The following VEGFC variants were observed in gnomAD, a reference collection of about 807,000 sequenced individuals.
The protein encoded by VEGFC is FLT4 ligand DHM.
Under a neutral mutation model 46.1 loss-of-function variants are expected in VEGFC, and 12 were observed. The ratio of observed to expected loss-of-function variants is 0.26; its 90% CI spans 0.17 to 0.42. The LOEUF is 0.42. Among genes scored for constraint, VEGFC ranks in the 10% least tolerant of loss-of-function variants. VEGFC has a pLI of 1.00. For synonymous variants in VEGFC, 232 were observed against 195.5 expected (o/e 1.19, Z -1.56); for missense variants, 488 against 529.4 (o/e 0.92, Z 0.77).
At chr4:176,789,552 T>C (rs1010459141) in intron 1 of VEGFC, among the ~76,000 whole-genome samples, 4 of 152,288 alleles carry the variant, frequency 2.6e-5, no homozygotes, top group African/African-American at 9.6e-5. Flanking sequence ...ATAAGAAAAA[T>C]TGTAAATAGA....
chr4:176,715,727 G>A (rs1055257762), intron 3 of VEGFC, among the ~76,000 whole-genome samples: 1 of 148,866 alleles, frequency 6.7e-6, no homozygotes, highest in South Asian at 2.1e-4. Context: ...ATTTCCGTAA[G>A]CTTTTTTTCC....
At chr4:176,684,687 C>G (rs1185860295) in intron 6 of VEGFC, among the ~76,000 whole-genome samples, 1 of 152,144 alleles carries the variant, frequency 6.6e-6, no homozygotes, top group Non-Finnish European at 1.5e-5. Flanking sequence ...GACAAATTAT[C>G]AATTGGTCAG....
intron 3 of VEGFC, among the ~76,000 whole-genome samples, chr4:176,725,697 T>C (rs576363999): frequency 2.0e-5 from 3 of 152,242 alleles, no homozygotes; most frequent in Admixed American, 6.5e-5. Flanking sequence ...ATATAAATCA[T>C]TAACGGCATT....
intron 1 of VEGFC, among the ~76,000 whole-genome samples, chr4:176,764,293 G>A (rs1047806281): frequency 1.1e-4 from 17 of 152,134 alleles, no homozygotes; most frequent in African/African-American, 3.9e-4. Context: ...AAACAACAGA[G>A]TTAACAAAAG....
Position 176,687,844 on chromosome 4 carries a change from A to G in VEGFC, c.788T>C (p.Met263Thr), listed in dbSNP as rs772447542. The G allele has an allele frequency of 6.2e-7, 1 of 1,613,412 alleles. No individual in the cohort carries two copies. Among genetic ancestry groups the G allele is most frequent in the South Asian group, 1.1e-5 (1 of 90,918 alleles). ...ACCATCTCCAGCATCCGAGGAAAAC[A>G]TAAAATCTTCCTGAGCCAGGCATCT... ...ICRCLAQEDF[M>T]FSSDAGDDST... is the part of the protein sequence containing the mutation. Residue 263 changes from methionine (M) to threonine (T), a missense_variant, in exon 5 of 7, where the codon ATG becomes ACG. Met to Thr is a moderately conservative substitution (Grantham distance 81, BLOSUM62 -1). Transcript: ENST00000618562.
chr4:176,701,183 G>T (rs892386401), intron 4 of VEGFC, among the ~76,000 whole-genome samples: 1 of 152,152 alleles, frequency 6.6e-6, no homozygotes, highest in African/African-American at 2.4e-5. Flanking sequence ...AAAACTAGAG[G>T]AAACTCGTGA....
rs1006116602 is a variant in VEGFC at position 176,736,580 on chromosome 4, G to C, written c.148-6834C>G. On this transcript the variant is annotated intron_variant, in intron 1 of 6. Coordinates refer to ENST00000618562, the MANE Select transcript of VEGFC (RefSeq NM_005429.5). ...GCTTAGTACACGTAACACTTCATAA[G>C]TATTAAGATATTTTCTCTGAGGCAT... Among the ~76,000 whole-genome samples the C allele has an allele frequency of 2.0e-5, 3 of 151,644 alleles. No individual in the cohort carries two copies. The Admixed American group carries it at 2.0e-4, about 10-fold the overall frequency.
chr4:176,789,051 C>G (rs1472825255), intron 1 of VEGFC, among the ~76,000 whole-genome samples: 1 of 152,164 alleles, frequency 6.6e-6, no homozygotes, highest in Non-Finnish European at 1.5e-5. Flanking sequence ...CAAAGGCAAG[C>G]AGGCAAGCAC....
chr4:176,780,221 T>A lies in VEGFC; in HGVS notation c.147+11944A>T, dbSNP rs143141225. Reference sequence around the variant, plus strand: ...AGGGTGAAACCCAGTCTCTACTAAATAATACAAAAATTAGCCTGGCATGGT... The same window carrying A: ...AGGGTGAAACCCAGTCTCTACTAAAAAATACAAAAATTAGCCTGGCATGGT... On this transcript the variant is annotated intron_variant, in intron 1 of 6. Transcript: ENST00000618562. Among the ~76,000 whole-genome samples the A allele has an allele frequency of 6.5e-3, 982 of 151,626 alleles. 6 individuals are homozygous for A. The highest frequency in any genetic ancestry group is 0.023 in the African/African-American group (934 of 41,388).
intron 4 of VEGFC, among the ~76,000 whole-genome samples, chr4:176,707,228 T>A (rs1408148894): frequency 1.3e-5 from 2 of 152,228 alleles, no homozygotes; most frequent in African/African-American, 4.8e-5. Flanking sequence ...CATGTTAAAT[T>A]CATAAGAAAC....
intron 3 of VEGFC, 110 bp downstream of exon 3, chr4:176,727,668 A>G: frequency 8.9e-7 from 1 of 1,123,980 alleles, no homozygotes; most frequent in Non-Finnish European, 1.2e-6. Context: ...TGAGACCCTG[A>G]GTTGAACCAA....
intron 1 of VEGFC, among the ~76,000 whole-genome samples, chr4:176,779,480 A>T (rs899636481): frequency 6.6e-6 from 1 of 152,184 alleles, no homozygotes; most frequent in Non-Finnish European, 1.5e-5. Flanking sequence ...AAAGAAAAGA[A>T]TGTGTAATTT....
intron 3 of VEGFC, among the ~76,000 whole-genome samples, chr4:176,719,484 G>A (rs537206914): frequency 2.0e-5 from 3 of 152,074 alleles, no homozygotes; most frequent in Non-Finnish European, 2.9e-5. Context: ...AAAAATGTAG[G>A]AACACTGCAT....
At chr4:176,707,015 T>G (rs574504916) in intron 4 of VEGFC, among the ~76,000 whole-genome samples, 380 of 152,306 alleles carry the variant, frequency 2.5e-3, no homozygotes, top group Non-Finnish European at 4.6e-3. Context: ...CCAAGCTTAT[T>G]TCACTCAACT....
rs554385676 is a variant in VEGFC, at chr4:176,728,157, C to A, written c.362-189G>T. Among the ~76,000 whole-genome samples the A allele has an allele frequency of 7.2e-5, 11 of 152,228 alleles. No individual in the cohort carries two copies. The South Asian group carries it at 1.7e-3, about 23-fold the overall frequency. On this transcript the variant is annotated intron_variant, in intron 2 of 6. Coordinates refer to ENST00000618562, the MANE Select transcript of VEGFC (RefSeq NM_005429.5). ...AATGATATAACATTGAAAAGACAAGCTAAGGATATTTCTTAAACTCATTTC... is the reference window on the plus strand; with the variant it reads ...AATGATATAACATTGAAAAGACAAGATAAGGATATTTCTTAAACTCATTTC...
At chr4:176,729,009 C>T (rs968062955) in intron 2 of VEGFC, among the ~76,000 whole-genome samples, 1 of 152,092 alleles carries the variant, frequency 6.6e-6, no homozygotes, top group African/African-American at 2.4e-5. Context: ...TCATACCCCA[C>T]CAATTGATGC....
intron 3 of VEGFC, 114 bp downstream of exon 3, chr4:176,727,664 C>T (rs1734894257): frequency 4.7e-6 from 5 of 1,060,502 alleles, no homozygotes; most frequent in Non-Finnish European, 6.4e-6. Flanking sequence ...AATATGAGAC[C>T]CTGAGTTGAA....
chr4:176,709,627 C>T (rs186607278), intron 4 of VEGFC, among the ~76,000 whole-genome samples: 48 of 152,188 alleles, frequency 3.2e-4, no homozygotes, highest in Non-Finnish European at 5.7e-4. Context: ...ATGAGCTTGG[C>T]GTTCTGGGAA....
At chr4:176,741,005 CTT>C (rs1029255508) in intron 1 of VEGFC, among the ~76,000 whole-genome samples, 1 of 151,902 alleles carries the variant, frequency 6.6e-6, no homozygotes, top group African/African-American at 2.4e-5. Context: ...TATAAAGTAT[CTT>C]TAGATTTACA....
Sources: gnomAD v4.1 joint callset for allele counts (sites outside exome capture counted in the v4.1 genomes callset) on GRCh38, gnomAD v4.1.1 for gene constraint, MANE v1.5 for transcripts, NCBI Gene and HGNC (gene_info 2026-07-23, HGNC 2026-07-21) for gene names.